NXPH2: variants seen among roughly 807,000 people sequenced by gnomAD.
The protein encoded by NXPH2 is neurexophilin-2.
NXPH2 carries 5 observed loss-of-function variants against 19.8 expected under a neutral mutation model. That is an observed-to-expected ratio of 0.25 (90% CI 0.13 to 0.53). The LOEUF is 0.53. NXPH2 is among the 20% of genes least tolerant of loss of function. NXPH2 has a pLI of 0.96. For missense variants in NXPH2, 289 were observed against 322.8 expected, an observed-to-expected ratio of 0.90 and a Z score of 0.80; for synonymous variants, 154 against 127.4, an observed-to-expected ratio of 1.21 and a Z score of -1.41.
chr2:138,780,342 C>T lies in NXPH2; in HGVS notation c.-101G>A. ...GACTGAGGACGCCAGGGACACAGCG[C>T]GGCGCTTCCCTCCCGGAATCCGAGC... On this transcript the variant is annotated 5_prime_UTR_variant, in exon 1 of 2. Transcript: ENST00000272641. The T allele has an allele frequency of 1.4e-6, 1 of 715,574 alleles. No individual in the cohort carries two copies. The highest frequency in any genetic ancestry group is 1.8e-6 in the Non-Finnish European group (1 of 555,348). The allele number at this position is 715,574 out of a possible 1,614,324, so 44.3% of individuals were successfully genotyped here.
chr2:138,720,102 G>T lies in NXPH2; in HGVS notation c.52-48437C>A, dbSNP rs6716327. Among the ~76,000 whole-genome samples, 1,334 of 150,928 alleles carry T rather than the reference G, an allele frequency of 8.8e-3. 18 individuals carry two copies. The highest frequency in any genetic ancestry group is 0.031 in the African/African-American group (1,286 of 41,058). On this transcript the variant is annotated intron_variant, in intron 1 of 1. Coordinates refer to ENST00000272641, the MANE Select transcript of NXPH2 (RefSeq NM_007226.3). ...AAACAAATCTATTGAAATGTTCTGG[G>T]ATTAGATGAAACATGCAGTTTTAAG... is the stretch of plus-strand genomic sequence containing the variant.
At chr2:138,679,727 T>A (rs1446680032) in intron 1 of NXPH2, among the ~76,000 whole-genome samples, 2 of 152,120 alleles carry the variant, frequency 1.3e-5, no homozygotes, top group Non-Finnish European at 2.9e-5. Flanking sequence ...CCTTTCTGAC[T>A]CAGCAAGAAG....
intron 1 of NXPH2, among the ~76,000 whole-genome samples, chr2:138,691,027 C>G (rs1162606236): frequency 6.6e-6 from 1 of 152,066 alleles, no homozygotes; most frequent in East Asian, 1.9e-4. Flanking sequence ...GTGTTGTGGG[C>G]AGAGAGGCAG....
intron 1 of NXPH2, among the ~76,000 whole-genome samples, chr2:138,727,904 A>G (rs1681382849): frequency 6.6e-6 from 1 of 152,172 alleles, no homozygotes; most frequent in African/African-American, 2.4e-5. Context: ...TCCATGAATG[A>G]AAATATAAAG....
At chr2:138,756,938 T>TA (rs1286204248) in intron 1 of NXPH2, among the ~76,000 whole-genome samples, 6 of 152,312 alleles carry the variant, frequency 3.9e-5, no homozygotes, top group African/African-American at 1.4e-4. Flanking sequence ...ACTAAACTCT[T>TA]ACTCTAAGCA....
chr2:138,697,741 A>G (rs1291436299), intron 1 of NXPH2, among the ~76,000 whole-genome samples: 1 of 151,932 alleles, frequency 6.6e-6, no homozygotes, highest in East Asian at 1.9e-4. Context: ...TGAGAAAAAC[A>G]AAATAAAAAT....
chr2:138,672,948 A>G lies in NXPH2; in HGVS notation c.52-1283T>C, dbSNP rs188849545. Among the ~76,000 whole-genome samples the G allele has an allele frequency of 4.0e-4, 61 of 152,328 alleles. No individual in the cohort carries two copies. The East Asian group carries it at 0.011, about 27-fold the overall frequency. On this transcript the variant is annotated intron_variant, in intron 1 of 1. Transcript: ENST00000272641. Reference sequence around the variant, plus strand: ...TGTTCATAAAAGTTTAGAAGCTTAAATCCTAACAGGGCTTTGTGAAAAGTG... The same window carrying G: ...TGTTCATAAAAGTTTAGAAGCTTAAGTCCTAACAGGGCTTTGTGAAAAGTG...
chr2:138,679,988 C>G (rs906354023), intron 1 of NXPH2, among the ~76,000 whole-genome samples: 1 of 151,948 alleles, frequency 6.6e-6, no homozygotes, highest in Non-Finnish European at 1.5e-5. Flanking sequence ...TCACTGCGTC[C>G]TCCAGTGGCT....
intron 1 of NXPH2, among the ~76,000 whole-genome samples, chr2:138,766,558 T>C (rs1682096417): frequency 6.6e-6 from 1 of 152,096 alleles, no homozygotes; most frequent in African/African-American, 2.4e-5. Flanking sequence ...TGGCTCAAAA[T>C]GACAACAGTT....
At chr2:138,750,549 T>C (rs547002612) in intron 1 of NXPH2, among the ~76,000 whole-genome samples, 1 of 152,288 alleles carries the variant, frequency 6.6e-6, no homozygotes, top group East Asian at 1.9e-4. Flanking sequence ...TCTCATTCAT[T>C]TGTCCAGTTA....
chr2:138,728,711 C>T (rs1285524226), intron 1 of NXPH2, among the ~76,000 whole-genome samples: 1 of 152,138 alleles, frequency 6.6e-6, no homozygotes, highest in Non-Finnish European at 1.5e-5. Context: ...AATGTAGATG[C>T]ATTTATTCTC....
chr2:138,703,242 T>C (rs1264286385), intron 1 of NXPH2, among the ~76,000 whole-genome samples: 1 of 152,172 alleles, frequency 6.6e-6, no homozygotes, highest in African/African-American at 2.4e-5. Context: ...ATGCATAATA[T>C]TTAATGCTTC....
intron 1 of NXPH2, among the ~76,000 whole-genome samples, chr2:138,714,545 A>G (rs928668097): frequency 2.0e-5 from 3 of 152,152 alleles, no homozygotes; most frequent in African/African-American, 7.2e-5. Context: ...GGACTCCTCT[A>G]TCTAACACAG....
intron 1 of NXPH2, among the ~76,000 whole-genome samples, chr2:138,679,121 G>A (rs947631578): frequency 6.6e-6 from 1 of 152,156 alleles, no homozygotes; most frequent in Non-Finnish European, 1.5e-5. Flanking sequence ...GAACCGCAAA[G>A]GGAAGAGATT....
In NXPH2 at chr2:138,696,308, A is replaced by G. The variant is rs150330415; in HGVS notation, c.52-24643T>C. ...CAATGGAATAGAATAGAGAATCCAG[A>G]AATAAACCCACATATTTCAACAGCT... is the stretch of plus-strand genomic sequence containing the variant. On this transcript the variant is annotated intron_variant, in intron 1 of 1. Transcript: ENST00000272641. 7.8e-3 allele frequency among the ~76,000 whole-genome samples: 1,191 copies of G among 152,308 alleles called. 17 individuals are homozygous for G. Among genetic ancestry groups the G allele is most frequent in the African/African-American group, 0.027 (1,119 of 41,584 alleles).
intron 1 of NXPH2, among the ~76,000 whole-genome samples, chr2:138,690,583 G>GA (rs57093369): frequency 0.17 from 23,271 of 135,514 alleles, 2,961 homozygotes; most frequent in African/African-American, 0.37. Flanking sequence ...CTCAGAAATT[G>GA]AAAAAAAAAA....
At chr2:138,700,742 T>C (rs1469586649) in intron 1 of NXPH2, among the ~76,000 whole-genome samples, 1 of 152,010 alleles carries the variant, frequency 6.6e-6, no homozygotes, top group Non-Finnish European at 1.5e-5. Context: ...ATGTCCTCCC[T>C]CCTGCTTGTT....
intron 1 of NXPH2, among the ~76,000 whole-genome samples, chr2:138,721,164 A>AC (rs1681273089): frequency 1.3e-5 from 2 of 152,040 alleles, no homozygotes; most frequent in Admixed American, 1.3e-4. Context: ...AAATGGTGAA[A>AC]CCCCCATCTC....
intron 1 of NXPH2, among the ~76,000 whole-genome samples, chr2:138,776,904 G>A (rs1054435994): frequency 2.0e-5 from 3 of 151,910 alleles, no homozygotes; most frequent in Non-Finnish European, 2.9e-5. Flanking sequence ...TTCATCACAA[G>A]GATCTGATTT....
Sources: gnomAD v4.1 joint callset for allele counts (sites outside exome capture counted in the v4.1 genomes callset) on GRCh38, gnomAD v4.1.1 for gene constraint, MANE v1.5 for transcripts, NCBI Gene and HGNC (gene_info 2026-07-23, HGNC 2026-07-21) for gene names.